HS3ST4: variants seen among roughly 807,000 people sequenced by gnomAD.
HS3ST4 encodes the protein heparan sulfate glucosamine 3-O-sulfotransferase 4.
Under a neutral mutation model 29.2 loss-of-function variants are expected in HS3ST4, and 17 were observed. The observed-to-expected ratio is 0.58, with a 90% CI of 0.40 to 0.87. The LOEUF (loss-of-function observed/expected upper bound fraction) is 0.87. Ranked by LOEUF, HS3ST4 falls within the 40% of genes least tolerant of loss-of-function variation. HS3ST4 has a pLI of 0.00. For missense variants in HS3ST4, 627 were observed against 634.5 expected, an observed-to-expected ratio of 0.99 and a Z score of 0.13; for synonymous variants, 314 against 285.7, an observed-to-expected ratio of 1.10 and a Z score of -1.00.
At chr16:26,118,453 G>T (rs781397951) in intron 1 of HS3ST4, among the ~76,000 whole-genome samples, 4 of 152,114 alleles carry the variant, frequency 2.6e-5, no homozygotes, top group African/African-American at 9.7e-5. Flanking sequence ...AATTAGCATC[G>T]TCTAATGGAA....
chr16:25,725,023 C>T (rs1382656509), intron 1 of HS3ST4, among the ~76,000 whole-genome samples: 1 of 111,306 alleles, frequency 9.0e-6, no homozygotes, highest in Non-Finnish European at 1.8e-5. Flanking sequence ...CATTATCTTC[C>T]TTCCTCCCTC....
chr16:25,977,878 C>A (rs895506156), intron 1 of HS3ST4, among the ~76,000 whole-genome samples: 1 of 152,110 alleles, frequency 6.6e-6, no homozygotes, highest in African/African-American at 2.4e-5. Context: ...TACAGATTGC[C>A]GCCCCCTGCC....
At chr16:25,902,761 C>A (rs1459395821) in intron 1 of HS3ST4, among the ~76,000 whole-genome samples, 1 of 144,916 alleles carries the variant, frequency 6.9e-6, no homozygotes, top group Non-Finnish European at 1.5e-5. Flanking sequence ...AAATGGGACT[C>A]CAGACAGCAT....
chr16:25,749,897 C>T (rs1011278686), intron 1 of HS3ST4, among the ~76,000 whole-genome samples: 2 of 152,110 alleles, frequency 1.3e-5, no homozygotes, highest in Non-Finnish European at 2.9e-5. Flanking sequence ...GATGATTCAC[C>T]GAAGTAACAG....
intron 1 of HS3ST4, among the ~76,000 whole-genome samples, chr16:26,128,026 T>C (rs895586646): frequency 2.0e-5 from 3 of 152,176 alleles, no homozygotes; most frequent in African/African-American, 7.2e-5. Flanking sequence ...CTTATCTTTA[T>C]TCCTCCTTAT....
At chr16:25,834,247 A>C (rs1189628757) in intron 1 of HS3ST4, among the ~76,000 whole-genome samples, 2 of 152,218 alleles carry the variant, frequency 1.3e-5, no homozygotes, top group African/African-American at 4.8e-5. Context: ...GGAAATGTGT[A>C]AACATTCTTG....
intron 1 of HS3ST4, among the ~76,000 whole-genome samples, chr16:25,989,102 C>A (rs547032757): frequency 6.6e-6 from 1 of 152,078 alleles, no homozygotes; most frequent in African/African-American, 2.4e-5. Flanking sequence ...CAGAAACAGC[C>A]GGAATGGTTA....
intron 1 of HS3ST4, among the ~76,000 whole-genome samples, chr16:25,982,610 T>C (rs1331591757): frequency 1.3e-5 from 2 of 152,208 alleles, no homozygotes; most frequent in African/African-American, 4.8e-5. Context: ...AGGAGATCAC[T>C]TGAGGCCTGG....
At chr16:26,126,067 C>CATGTTGCTA (rs1215359748) in intron 1 of HS3ST4, among the ~76,000 whole-genome samples, 1 of 152,180 alleles carries the variant, frequency 6.6e-6, no homozygotes, top group African/African-American at 2.4e-5. Context: ...GAACAGAAGT[C>CATGTTGCTA]CTTTACCAGT....
At chr16:26,084,004 C>T (rs1298592082) in intron 1 of HS3ST4, among the ~76,000 whole-genome samples, 2 of 152,172 alleles carry the variant, frequency 1.3e-5, no homozygotes, top group African/African-American at 4.8e-5. Flanking sequence ...GGAGTGAGCA[C>T]AGCATGCTGA....
At chr16:25,804,976 G>A (rs890600136) in intron 1 of HS3ST4, among the ~76,000 whole-genome samples, 2 of 152,026 alleles carry the variant, frequency 1.3e-5, no homozygotes, top group African/African-American at 4.8e-5. Flanking sequence ...GCATCAGCAG[G>A]TCAAGGGTAC....
chr16:25,976,205 C>T (rs1968941835), intron 1 of HS3ST4, among the ~76,000 whole-genome samples: 2 of 152,124 alleles, frequency 1.3e-5, no homozygotes, highest in South Asian at 4.1e-4. Context: ...ATTTGAATTT[C>T]TTTTATTACA....
At chr16:25,787,202 CTGTT>C (rs1262439175) in intron 1 of HS3ST4, among the ~76,000 whole-genome samples, 1 of 152,156 alleles carries the variant, frequency 6.6e-6, no homozygotes, top group Non-Finnish European at 1.5e-5. Flanking sequence ...TGCCTGATCT[CTGTT>C]TGAAAGAAAA....
At chr16:26,092,239 A>G (rs959936796) in intron 1 of HS3ST4, among the ~76,000 whole-genome samples, 2 of 152,184 alleles carry the variant, frequency 1.3e-5, no homozygotes, top group Admixed American at 1.3e-4. Context: ...GGCAGAAAAA[A>G]ACGTGGCAAA....
intron 1 of HS3ST4, among the ~76,000 whole-genome samples, chr16:25,912,928 A>T (rs577444173): frequency 6.6e-6 from 1 of 152,246 alleles, no homozygotes; most frequent in Admixed American, 6.5e-5. Context: ...ATAAAATGAC[A>T]TCCTTCCCCA....
intron 1 of HS3ST4, among the ~76,000 whole-genome samples, chr16:26,064,493 G>C (rs1898519057): frequency 6.6e-6 from 1 of 152,030 alleles, no homozygotes; most frequent in African/African-American, 2.4e-5. Context: ...AAAACACAGG[G>C]TACATAGGAC....
At chr16:26,024,051 C>G (rs1472694754) in intron 1 of HS3ST4, among the ~76,000 whole-genome samples, 1 of 151,818 alleles carries the variant, frequency 6.6e-6, no homozygotes, top group Non-Finnish European at 1.5e-5. Context: ...ATGTTGAAAC[C>G]CTATCTCTAC....
intron 1 of HS3ST4, among the ~76,000 whole-genome samples, chr16:25,970,741 C>T (rs1228527165): frequency 6.6e-6 from 1 of 152,156 alleles, no homozygotes; most frequent in Non-Finnish European, 1.5e-5. Context: ...TGGTCTCGAA[C>T]TCCTGGCCTC....
rs149992624 is a variant in HS3ST4 at position 25,748,272 on chromosome 16, C to T, written c.734+55121C>T. Reference sequence around the variant, plus strand: ...CCCCTCCCCCCCTTTAAAATGAACCCATACTGTGCCCCATTAGCTGAAATT... The same window carrying T: ...CCCCTCCCCCCCTTTAAAATGAACCTATACTGTGCCCCATTAGCTGAAATT... On this transcript the variant is annotated intron_variant, in intron 1 of 1. Coordinates refer to ENST00000331351, the MANE Select transcript of HS3ST4 (RefSeq NM_006040.3). Among the ~76,000 whole-genome samples the T allele has an allele frequency of 8.9e-3, 1,360 of 152,214 alleles. 8 individuals carry two copies. The highest frequency in any genetic ancestry group is 0.016 in the Non-Finnish European group (1,074 of 68,002).
Sources: allele counts gnomAD v4.1 joint callset (sites outside exome capture counted in the v4.1 genomes callset), GRCh38; gene constraint gnomAD v4.1.1; transcripts MANE v1.5; gene names NCBI Gene and HGNC (gene_info 2026-07-23, HGNC 2026-07-21).